Variants in DACH2 observed in about 807,000 individuals in gnomAD.
DACH2 encodes dachshund family transcription factor 2.
Under a neutral mutation model 35.8 loss-of-function variants are expected in DACH2, and 17 were observed. The ratio of observed to expected loss-of-function variants is 0.48; its 90% CI spans 0.33 to 0.71. The LOEUF is 0.71. Among genes scored for constraint, DACH2 ranks in the 30% least tolerant of loss-of-function variants. The pLI is 0.02. For missense variants in DACH2, 469 were observed against 472.7 expected, an observed-to-expected ratio of 0.99 and a Z score of 0.07; for synonymous variants, 195 against 177.3, an observed-to-expected ratio of 1.10 and a Z score of -0.79.
intron 2 of DACH2, among the ~76,000 whole-genome samples, chrX:86,415,143 T>C (rs2036681881): frequency 8.9e-6 from 1 of 112,097 alleles, no homozygotes; most frequent in Admixed American, 9.5e-5. Context: ...TTATTACCAA[T>C]ATGTCCTGAG....
chrX:86,715,198 C>A (rs1229761282), intron 6 of DACH2, among the ~76,000 whole-genome samples: 1 of 111,427 alleles, frequency 9.0e-6, no homozygotes, highest in African/African-American at 3.3e-5. Context: ...GTTTCCTCAA[C>A]TATAAAATGA....
chrX:86,245,196 A>G (rs1318507004), intron 1 of DACH2, among the ~76,000 whole-genome samples: 1 of 111,773 alleles, frequency 8.9e-6, no homozygotes, highest in South Asian at 3.8e-4. Context: ...AAAAAAACTC[A>G]GTGTTCCTGC....
chrX:86,321,218 G>A (rs577447286), intron 1 of DACH2, among the ~76,000 whole-genome samples: 1 of 111,363 alleles, frequency 9.0e-6, no homozygotes, highest in Non-Finnish European at 1.9e-5. Context: ...AACTAATATT[G>A]TTATTATTAG....
At chrX:86,297,534 A>G (rs907217337) in intron 1 of DACH2, among the ~76,000 whole-genome samples, 6 of 111,623 alleles carry the variant, frequency 5.4e-5, no homozygotes, top group African/African-American at 2.0e-4. Flanking sequence ...AAGAGTAATG[A>G]CAAAAAGATA....
At chrX:86,208,771 G>A (rs1309646296) in intron 1 of DACH2, among the ~76,000 whole-genome samples, 1 of 111,524 alleles carries the variant, frequency 9.0e-6, no homozygotes, top group East Asian at 2.8e-4. Context: ...AATTGAGCAA[G>A]CATTTATTGG....
At chrX:86,399,889 G>C (rs1425943360) in intron 2 of DACH2, among the ~76,000 whole-genome samples, 1 of 111,265 alleles carries the variant, frequency 9.0e-6, no homozygotes, top group Non-Finnish European at 1.9e-5. Flanking sequence ...GAGTATGTTT[G>C]TGGCGTTCTC....
rs748069584 is a variant in DACH2, at chrX:86,669,311, A to G, written c.772+18144A>G. Among the ~76,000 whole-genome samples, 3 of 111,387 alleles carry G rather than the reference A, an allele frequency of 2.7e-5. No homozygotes were observed. The South Asian group carries it at 1.1e-3, about 42-fold the overall frequency. ...CTTGGTGGTGTTTCCGATTATACCTATCTAATAGTATATGATTATCAACTT... is the reference window on the plus strand; with the variant it reads ...CTTGGTGGTGTTTCCGATTATACCTGTCTAATAGTATATGATTATCAACTT... On this transcript the variant is annotated intron_variant, in intron 4 of 11. Coordinates refer to ENST00000373125, the MANE Select transcript of DACH2 (RefSeq NM_053281.3).
chrX:86,741,380 T>C (rs1236115406), intron 7 of DACH2, among the ~76,000 whole-genome samples: 1 of 111,643 alleles, frequency 9.0e-6, no homozygotes, highest in East Asian at 2.8e-4. Context: ...ATATGGATGC[T>C]GAGGCCACAA....
chrX:86,786,429 C>G (rs941202403), intron 7 of DACH2, among the ~76,000 whole-genome samples: 1 of 111,607 alleles, frequency 9.0e-6, no homozygotes, highest in South Asian at 3.7e-4. Flanking sequence ...GAGCCATATG[C>G]CTTTGTGTCA....
chrX:86,443,283 T>C (rs1323912987), intron 2 of DACH2, among the ~76,000 whole-genome samples: 5 of 111,573 alleles, frequency 4.5e-5, no homozygotes, highest in African/African-American at 1.6e-4. Flanking sequence ...TCCCCATTGA[T>C]TAATTTTTTT....
At chrX:86,546,359 C>CTTCTTCTTCTTCTTCTTG (rs2038960332) in intron 3 of DACH2, among the ~76,000 whole-genome samples, 1 of 40,016 alleles carries the variant, frequency 2.5e-5, no homozygotes, top group South Asian at 1.1e-3. Flanking sequence ...TCTTCTTCCT[C>CTTCTTCTTCTTCTTCTTG]TTCTTCTTCT....
chrX:86,628,915 C>A (rs989271872), intron 3 of DACH2, among the ~76,000 whole-genome samples: 13 of 112,068 alleles, frequency 1.2e-4, no homozygotes, highest in African/African-American at 3.6e-4. Flanking sequence ...AGTTTGATAT[C>A]TTTTAACAAG....
intron 1 of DACH2, among the ~76,000 whole-genome samples, chrX:86,187,953 T>C (rs1050654074): frequency 8.9e-6 from 1 of 111,991 alleles, no homozygotes; most frequent in African/African-American, 3.2e-5. Context: ...TGCCATATAC[T>C]TTTATAATAG....
chrX:86,455,615 C>T (rs781426048), intron 2 of DACH2, among the ~76,000 whole-genome samples: 1 of 112,617 alleles, frequency 8.9e-6, no homozygotes, highest in African/African-American at 3.2e-5. Flanking sequence ...CTCCTCCAGA[C>T]CATTTGGATT....
chrX:86,546,290 A>G (rs2038954724), intron 3 of DACH2, among the ~76,000 whole-genome samples: 2 of 109,352 alleles, frequency 1.8e-5, no homozygotes, highest in African/African-American at 3.3e-5. Context: ...CTGATCTTGT[A>G]TTTGAGAACT....
At chrX:86,451,787 C>G (rs2037382491) in intron 2 of DACH2, among the ~76,000 whole-genome samples, 1 of 110,526 alleles carries the variant, frequency 9.0e-6, no homozygotes, top group Non-Finnish European at 1.9e-5. Flanking sequence ...ATCATGTCAT[C>G]TGCATACAAA....
chrX:86,195,903 G>A (rs888058456), intron 1 of DACH2, among the ~76,000 whole-genome samples: 2 of 111,396 alleles, frequency 1.8e-5, no homozygotes, highest in Non-Finnish European at 1.9e-5. Context: ...AACCCTCAAG[G>A]CAATCAAATA....
At chrX:86,535,479 A>G (rs1199735007) in intron 3 of DACH2, among the ~76,000 whole-genome samples, 1 of 111,631 alleles carries the variant, frequency 9.0e-6, no homozygotes, top group Admixed American at 9.6e-5. Context: ...AGGGGTCAGG[A>G]TGTGCCTCAT....
At chrX:86,452,085 T>G (rs745484400) in intron 2 of DACH2, among the ~76,000 whole-genome samples, 1 of 112,083 alleles carries the variant, frequency 8.9e-6, no homozygotes, top group Non-Finnish European at 1.9e-5. Context: ...TTGAGACAAC[T>G]ATGTGGTTTT....
Sources: allele counts gnomAD v4.1 joint callset (sites outside exome capture counted in the v4.1 genomes callset), GRCh38; gene constraint gnomAD v4.1.1; transcripts MANE v1.5; gene names NCBI Gene and HGNC (gene_info 2026-07-23, HGNC 2026-07-21).